Variants in IGDCC3 observed in about 807,000 individuals in gnomAD.
The protein encoded by IGDCC3 is putative neuronal cell adhesion molecule.
A neutral mutation model predicts 72.0 loss-of-function variants in IGDCC3; 47 were observed. The observed-to-expected ratio is 0.65, with a 90% CI of 0.52 to 0.83. The LOEUF (loss-of-function observed/expected upper bound fraction) is 0.83, where lower values mean the gene tolerates loss of function less well. Among genes scored for constraint, IGDCC3 ranks in the 40% least tolerant of loss-of-function variants. The pLI is 0.00. For missense variants in IGDCC3, 1,038 were observed against 1,091.3 expected (o/e 0.95, Z 0.69); for synonymous variants, 477 against 472.8 (o/e 1.01, Z -0.11).
chr15:65,338,898 ATTTTTTCTTTT>A (rs1194640177), intron 2 of IGDCC3, among the ~76,000 whole-genome samples: 7 of 151,486 alleles, frequency 4.6e-5, no homozygotes, highest in Non-Finnish European at 7.4e-5. Context: ...AAGCAATAGT[ATTTTTTCTTTT>A]TTTTTTCTTT....
In IGDCC3 at chr15:65,329,000, G is replaced by A. The variant is rs1385290334; in HGVS notation, c.2354C>T (p.Pro785Leu). ...PCAGLAAAPPPPDGGPGLLSE... is the reference protein window; with the variant it reads ...PCAGLAAAPPLPDGGPGLLSE... ...GAGGAGGCCAGGGCCTCCATCTGGG[G>A]GTGGTGGGGCAGCCGCCAGGCCGGC... The change falls in exon 14 of 14, where the codon CCC becomes CTC. Residue 785 changes from proline (P) to leucine (L), a missense_variant. Pro to Leu is a moderately conservative substitution (Grantham distance 98). Transcript: ENST00000327987. 8 of 1,611,392 alleles carry A rather than the reference G, an allele frequency of 5.0e-6. No homozygotes were observed. In the Admixed American group the frequency reaches 5.0e-5, roughly 10 times the overall value.
chr15:65,364,887 GAAAAGAA>G (rs1169360200), intron 2 of IGDCC3, among the ~76,000 whole-genome samples: 2 of 152,000 alleles, frequency 1.3e-5, no homozygotes, highest in Non-Finnish European at 2.9e-5. Context: ...TCTCAAAAAA[GAAAAGAA>G]AAAGAAAAAT....
intron 2 of IGDCC3, among the ~76,000 whole-genome samples, chr15:65,362,779 G>C (rs1358482479): frequency 6.6e-6 from 1 of 151,404 alleles, no homozygotes; most frequent in African/African-American, 2.4e-5. Flanking sequence ...AACATGAGGT[G>C]TCAGACCCAC....
intron 2 of IGDCC3, among the ~76,000 whole-genome samples, chr15:65,359,905 C>G (rs2091249583): frequency 1.3e-5 from 2 of 152,146 alleles, no homozygotes; most frequent in Admixed American, 6.5e-5. Flanking sequence ...CTGCCCTCCC[C>G]CAATCCCAGC....
chr15:65,377,963 C>T lies in IGDCC3; in HGVS notation c.-175G>A. On this transcript the variant is annotated 5_prime_UTR_variant, in exon 1 of 14. Transcript: ENST00000327987. This position sits in a 1 kb window ranked among gnomAD's most constrained non-coding sequence, Gnocchi z 4.9. ...AGCAGCGCGGGGGGCGCAGGGGGAG[C>T]GCCGCTTGCGCCATCTTGCACCCAC... is the stretch of plus-strand genomic sequence containing the variant. The T allele has an allele frequency of 2.2e-6, 1 of 454,118 alleles. No homozygotes were observed. Among genetic ancestry groups the T allele is most frequent in the Non-Finnish European group, 2.9e-6 (1 of 340,504 alleles). 28.1% of individuals were successfully genotyped at this position (454,118 alleles called of 1,614,324 possible).
intron 2 of IGDCC3, among the ~76,000 whole-genome samples, chr15:65,368,072 C>T (rs1461727293): frequency 1.3e-5 from 2 of 152,014 alleles, no homozygotes; most frequent in Non-Finnish European, 2.9e-5. Flanking sequence ...GGTTTTTCAT[C>T]CTGGGTACTC....
At chr15:65,341,977 G>A (rs2091085363) in intron 2 of IGDCC3, among the ~76,000 whole-genome samples, 1 of 152,106 alleles carries the variant, frequency 6.6e-6, no homozygotes, top group South Asian at 2.1e-4. Context: ...GTTTTGCCCT[G>A]TTGGCCAGGC....
intron 2 of IGDCC3, among the ~76,000 whole-genome samples, chr15:65,371,326 G>C (rs1392840906): frequency 6.6e-6 from 1 of 152,168 alleles, no homozygotes; most frequent in Non-Finnish European, 1.5e-5. Flanking sequence ...AGACTCTCAA[G>C]AGGGCTAAGT....
At chr15:65,347,964 C>A (rs2091139611) in intron 2 of IGDCC3, among the ~76,000 whole-genome samples, 1 of 150,936 alleles carries the variant, frequency 6.6e-6, no homozygotes, top group African/African-American at 2.4e-5. Flanking sequence ...ACAACAACAA[C>A]AAAACAAACA....
chr15:65,349,319 T>C (rs1216478049), intron 2 of IGDCC3, among the ~76,000 whole-genome samples: 8 of 152,192 alleles, frequency 5.3e-5, no homozygotes, highest in Admixed American at 2.0e-4. Context: ...GCCGAATCAG[T>C]AGGGCCACTC....
intron 2 of IGDCC3, chr15:65,373,478 G>A (rs1319325555): frequency 6.6e-6 from 1 of 152,408 alleles, no homozygotes; most frequent in East Asian, 1.9e-4. Context: ...CAGAACAAAG[G>A]GGCATCTTAA....
chr15:65,335,718 C>A, intron 3 of IGDCC3, 94 bp downstream of exon 3: 1 of 1,440,660 alleles, frequency 6.9e-7, no homozygotes, highest in Non-Finnish European at 9.7e-7. Context: ...TGGGCACCAA[C>A]TGCAGCTCCC....
At chr15:65,367,323 G>A (rs1342074948) in intron 2 of IGDCC3, among the ~76,000 whole-genome samples, 2 of 146,814 alleles carry the variant, frequency 1.4e-5, no homozygotes, top group Non-Finnish European at 3.0e-5. Context: ...CTCCAGCCTG[G>A]GAGACAGAGT....
At chr15:65,347,133 C>G (rs899894736) in intron 2 of IGDCC3, among the ~76,000 whole-genome samples, 1 of 152,226 alleles carries the variant, frequency 6.6e-6, no homozygotes, top group African/African-American at 2.4e-5. Context: ...TCTCCCTCAC[C>G]TCCCGGAAGG....
At chr15:65,340,587 C>T (rs897572368) in intron 2 of IGDCC3, among the ~76,000 whole-genome samples, 3 of 152,186 alleles carry the variant, frequency 2.0e-5, no homozygotes, top group Non-Finnish European at 2.9e-5. Context: ...CAGGGACACG[C>T]AGCCTTTTGG....
At chr15:65,376,778 C>T (rs2091361808) in intron 1 of IGDCC3, among the ~76,000 whole-genome samples, 1 of 152,196 alleles carries the variant, frequency 6.6e-6, no homozygotes, top group Non-Finnish European at 1.5e-5. Flanking sequence ...GATGCGGACG[C>T]GAGCTTCTAC....
chr15:65,344,733 C>T (rs999411487), intron 2 of IGDCC3, among the ~76,000 whole-genome samples: 2 of 152,204 alleles, frequency 1.3e-5, no homozygotes, highest in Admixed American at 6.5e-5. Context: ...CTTTTAATTA[C>T]TCAGCCCCAT....
At position 65,377,914 on chromosome 15, in the gene IGDCC3, G is replaced by C; in HGVS notation, c.-126C>G. On this transcript the variant is annotated 5_prime_UTR_variant, in exon 1 of 14. Transcript: ENST00000327987. This position sits in a 1 kb window ranked among gnomAD's most constrained non-coding sequence, Gnocchi z 4.9. Reference sequence around the variant, plus strand: ...GGCCGGGGCCGAGCCCAGGCGGTGGGGGACTGGGGCCGCATGCCTGCTCAG... The same window carrying C: ...GGCCGGGGCCGAGCCCAGGCGGTGGCGGACTGGGGCCGCATGCCTGCTCAG... 1 of 908,160 alleles carries C rather than the reference G, an allele frequency of 1.1e-6. No individual in the cohort carries two copies. The highest frequency in any genetic ancestry group is 1.3e-6 in the Non-Finnish European group (1 of 752,800). The allele number at this position is 908,160 out of a possible 1,614,324, so 56.3% of individuals were successfully genotyped here.
At chr15:65,360,597 T>C (rs551370100) in intron 2 of IGDCC3, among the ~76,000 whole-genome samples, 9 of 152,040 alleles carry the variant, frequency 5.9e-5, no homozygotes, top group African/African-American at 1.7e-4. Flanking sequence ...ATAACCCAAG[T>C]TGGGGGAGGG....
Sources: allele counts gnomAD v4.1 joint callset (sites outside exome capture counted in the v4.1 genomes callset), GRCh38; gene constraint gnomAD v4.1.1; non-coding constraint Gnocchi (gnomAD v3.1); transcripts MANE v1.5; gene names NCBI Gene and HGNC (gene_info 2026-07-23, HGNC 2026-07-21).